PPM1E: variants seen among roughly 807,000 people sequenced by gnomAD.
The protein encoded by PPM1E is protein phosphatase 1E.
Under a neutral mutation model 65.9 loss-of-function variants are expected in PPM1E, and 20 were observed. The ratio of observed to expected loss-of-function variants is 0.30; its 90% CI spans 0.21 to 0.44. The LOEUF (loss-of-function observed/expected upper bound fraction) is 0.44, where lower values mean the gene tolerates loss of function less well. Among genes scored for constraint, PPM1E ranks in the 20% least tolerant of loss-of-function variants. The pLI is 1.00. For missense variants in PPM1E, 713 were observed against 953.1 expected, an observed-to-expected ratio of 0.75 and a Z score of 3.32; for synonymous variants, 352 against 374.9, an observed-to-expected ratio of 0.94 and a Z score of 0.70.
chr17:58,791,573 T>C (rs1649279583), intron 1 of PPM1E, among the ~76,000 whole-genome samples: 1 of 152,180 alleles, frequency 6.6e-6, no homozygotes, highest in Non-Finnish European at 1.5e-5. Flanking sequence ...AGCAAAACTT[T>C]CCTCTTTATC....
chr17:58,834,529 A>C (rs1011061012), intron 1 of PPM1E, among the ~76,000 whole-genome samples: 1 of 152,170 alleles, frequency 6.6e-6, no homozygotes, highest in African/African-American at 2.4e-5. Context: ...ATAGTTCAAC[A>C]TCTGATAAAA....
At chr17:58,811,030 G>A (rs1380625742) in intron 1 of PPM1E, among the ~76,000 whole-genome samples, 1 of 152,038 alleles carries the variant, frequency 6.6e-6, no homozygotes, top group Non-Finnish European at 1.5e-5. Context: ...GAAAATTTTT[G>A]TATTTTTGGT....
At chr17:58,922,066 A>AG (rs1346809596) in intron 1 of PPM1E, among the ~76,000 whole-genome samples, 9 of 150,986 alleles carry the variant, frequency 6.0e-5, no homozygotes, top group African/African-American at 9.8e-5. Flanking sequence ...GAAAAAAAAA[A>AG]AGTGTATGGG....
intron 1 of PPM1E, chr17:58,785,499 A>G (rs910113126): frequency 6.6e-5 from 7 of 106,348 alleles, no homozygotes; most frequent in Non-Finnish European, 9.9e-5. Context: ...TAGTAGAACC[A>G]GGATCTCTTT....
intron 1 of PPM1E, among the ~76,000 whole-genome samples, chr17:58,882,950 T>A (rs937547984): frequency 1.4e-5 from 2 of 138,544 alleles, no homozygotes; most frequent in African/African-American, 5.4e-5. Flanking sequence ...GTTATTACTT[T>A]CTTTTTTTTT....
chr17:58,794,773 A>G (rs1304670053), intron 1 of PPM1E, among the ~76,000 whole-genome samples: 1 of 152,128 alleles, frequency 6.6e-6, no homozygotes, highest in Non-Finnish European at 1.5e-5. Context: ...ATAGTATTCC[A>G]TAGTGTATAT....
In PPM1E at chr17:58,955,787, AT is replaced by A; in HGVS notation, c.583+23del. The stretch of plus-strand genomic sequence containing the variant: ...CTGTGGGTGAGTACCTTTCTACATT[AT>A]TTGTTTAAAAATACTAGAATCTTCT... On this transcript the variant is annotated intron_variant, in intron 2 of 6. Coordinates refer to ENST00000308249, the MANE Select transcript of PPM1E (RefSeq NM_014906.5). 6.4e-7 allele frequency: 1 copy of A among 1,564,604 alleles called. No individual in the cohort carries two copies.
chr17:58,959,269 A>G (rs1420803013), intron 2 of PPM1E, among the ~76,000 whole-genome samples: 3 of 133,022 alleles, frequency 2.3e-5, no homozygotes, highest in Admixed American at 8.1e-5. Flanking sequence ...AGATTGCGCC[A>G]TTGCACCCCA....
chr17:58,876,368 C>G (rs1006002811), intron 1 of PPM1E, among the ~76,000 whole-genome samples: 3 of 152,122 alleles, frequency 2.0e-5, no homozygotes, highest in African/African-American at 7.2e-5. Flanking sequence ...GGTTAGGAAG[C>G]ATTTTCCTAT....
chr17:58,872,419 G>A (rs143387989), intron 1 of PPM1E, among the ~76,000 whole-genome samples: 2 of 152,168 alleles, frequency 1.3e-5, no homozygotes, highest in South Asian at 2.1e-4. Context: ...GCAAGATTGG[G>A]TGAATGAAAG....
chr17:58,820,708 G>A (rs955102176), intron 1 of PPM1E, among the ~76,000 whole-genome samples: 3 of 152,126 alleles, frequency 2.0e-5, no homozygotes, highest in Non-Finnish European at 4.4e-5. Flanking sequence ...TCCAAATGGT[G>A]CTAGAAGCTC....
rs867674485 is a variant in PPM1E at position 58,828,297 on chromosome 17, T to C, written c.464+71836T>C. ...AAAGTGAATAGTGTACTGTAAAGCA[T>C]ATACTAAGAACAGTCTCTTACCCTT... On this transcript the variant is annotated intron_variant, in intron 1 of 6. Coordinates refer to ENST00000308249, the MANE Select transcript of PPM1E (RefSeq NM_014906.5). 5.9e-5 allele frequency among the ~76,000 whole-genome samples: 9 copies of C among 152,176 alleles called. 1 individual carries two copies. The South Asian group carries it at 1.9e-3, about 32-fold the overall frequency.
At chr17:58,943,899 C>T (rs970259255) in intron 1 of PPM1E, among the ~76,000 whole-genome samples, 21 of 152,136 alleles carry the variant, frequency 1.4e-4, no homozygotes, top group Non-Finnish European at 2.4e-4. Flanking sequence ...AGAACAGTGC[C>T]TGGTACATAG....
intron 1 of PPM1E, among the ~76,000 whole-genome samples, chr17:58,878,000 C>A (rs1422070082): frequency 6.6e-6 from 1 of 151,106 alleles, no homozygotes; most frequent in Non-Finnish European, 1.5e-5. Flanking sequence ...AATTATGGTT[C>A]TGTTTAAAAA....
At chr17:58,873,350 A>C (rs999575443) in intron 1 of PPM1E, among the ~76,000 whole-genome samples, 1 of 152,088 alleles carries the variant, frequency 6.6e-6, no homozygotes, top group Non-Finnish European at 1.5e-5. Context: ...TCTTTGTTTT[A>C]AAATGATCTC....
chr17:58,869,416 T>C (rs927224759), intron 1 of PPM1E, among the ~76,000 whole-genome samples: 4 of 152,086 alleles, frequency 2.6e-5, no homozygotes, highest in Non-Finnish European at 4.4e-5. Context: ...CTTGGTGCCA[T>C]CCTCACAGTA....
chr17:58,808,339 C>G (rs956390182), intron 1 of PPM1E, among the ~76,000 whole-genome samples: 13 of 152,032 alleles, frequency 8.6e-5, no homozygotes, highest in African/African-American at 2.7e-4. Context: ...AGTCTTATGT[C>G]TTGTTGGGAT....
At chr17:58,949,513 T>C (rs1002547068) in intron 1 of PPM1E, among the ~76,000 whole-genome samples, 1 of 152,190 alleles carries the variant, frequency 6.6e-6, no homozygotes, top group Non-Finnish European at 1.5e-5. Flanking sequence ...ATTTTAACCA[T>C]TTTACATTCA....
chr17:58,801,299 A>G (rs1329673476), intron 1 of PPM1E, among the ~76,000 whole-genome samples: 1 of 152,188 alleles, frequency 6.6e-6, no homozygotes, highest in Non-Finnish European at 1.5e-5. Flanking sequence ...TTCTGTCAAT[A>G]TGCTTCACAT....
Sources: allele counts gnomAD v4.1 joint callset (sites outside exome capture counted in the v4.1 genomes callset), GRCh38; gene constraint gnomAD v4.1.1; transcripts MANE v1.5; gene names NCBI Gene and HGNC (gene_info 2026-07-23, HGNC 2026-07-21).